Variants in SLC4A10 observed in about 807,000 individuals in gnomAD.
SLC4A10 encodes the protein solute carrier family 4 member 10, also known as sodium-driven chloride bicarbonate exchanger.
In SLC4A10, 42 loss-of-function variants were observed where a neutral mutation model predicts 137.7. The ratio of observed to expected loss-of-function variants is 0.30; its 90% CI spans 0.24 to 0.39. The LOEUF (loss-of-function observed/expected upper bound fraction) is 0.39, where lower values mean the gene tolerates loss of function less well. SLC4A10 is among the 10% of genes least tolerant of loss of function. SLC4A10 has a pLI of 1.00. For missense variants in SLC4A10, 925 were observed against 1,355.0 expected (o/e 0.68, Z 4.98); for synonymous variants, 474 against 464.1 (o/e 1.02, Z -0.27).
In SLC4A10 at chr2:161,920,135, G is replaced by A. The variant is rs182479894; in HGVS notation, c.1997+14248G>A. ...CCCCTCACCTCTGTGCCTTTGGCAG[G>A]CCTGGGATCCAGGCTGGTAGCACGA... On this transcript the variant is annotated intron_variant, in intron 15 of 26. Transcript: ENST00000446997. 3.0e-3 allele frequency among the ~76,000 whole-genome samples: 464 copies of A among 152,338 alleles called. 4 individuals carry two copies. The Middle Eastern group carries it at 0.037, about 12-fold the overall frequency.
At chr2:161,933,517 C>T (rs1476092829) in intron 15 of SLC4A10, among the ~76,000 whole-genome samples, 4 of 151,884 alleles carry the variant, frequency 2.6e-5, no homozygotes, top group African/African-American at 9.7e-5. Flanking sequence ...CTCAGCCTCC[C>T]GAGTAACTAG....
intron 26 of SLC4A10, 130 bp from the exon 27 acceptor site, chr2:161,983,049 G>C: frequency 1.4e-6 from 1 of 708,532 alleles, no homozygotes; most frequent in Non-Finnish European, 2.3e-6. Flanking sequence ...GTGCTTCGCA[G>C]CATGAGAGAG....
intron 1 of SLC4A10, among the ~76,000 whole-genome samples, chr2:161,684,384 C>T (rs1017414482): frequency 6.6e-6 from 1 of 151,990 alleles, no homozygotes; most frequent in Admixed American, 6.6e-5. Flanking sequence ...TTCATATTCC[C>T]TTTTCTAGTT....
At chr2:161,803,950 A>G (rs541996547) in intron 2 of SLC4A10, among the ~76,000 whole-genome samples, 1 of 152,184 alleles carries the variant, frequency 6.6e-6, no homozygotes, top group Non-Finnish European at 1.5e-5. Context: ...ATTAAGTATA[A>G]TAGGTGGCCA....
In SLC4A10 at chr2:161,965,033, G is replaced by T; in HGVS notation, c.3037-18G>T. On this transcript the variant is annotated intron_variant, in intron 22 of 26. Transcript: ENST00000446997. ...TTAATTTTTTTTCCACTTTAAACTA[G>T]TTTATTATTTACTTCAGGTGTTAGC... 6.2e-7 allele frequency: 1 copy of T among 1,602,464 alleles called. No individual in the cohort carries two copies. The highest frequency in any genetic ancestry group is 8.5e-7 in the Non-Finnish European group (1 of 1,174,310).
In SLC4A10 at chr2:161,984,885, G is replaced by A. The variant is rs1319832377; in HGVS notation, c.*1733G>A. ...AGTGATTCCCCAAAGCAGCCTCTTA[G>A]TGTTTTAATATATTAATAACTGTTT... On this transcript the variant is annotated 3_prime_UTR_variant, in exon 27 of 27. Coordinates refer to ENST00000446997, the MANE Select transcript of SLC4A10 (RefSeq NM_001178015.2). 6.6e-6 allele frequency: 1 copy of A among 151,850 alleles called. No individual in the cohort carries two copies. The highest frequency in any genetic ancestry group is 1.5e-5 in the Non-Finnish European group (1 of 67,886). The allele number at this position is 151,850 out of a possible 1,614,324, so 9.4% of individuals were successfully genotyped here.
intron 15 of SLC4A10, chr2:161,931,339 G>C (rs1288149413): frequency 1.3e-5 from 2 of 152,304 alleles, no homozygotes; most frequent in Admixed American, 6.5e-5. Context: ...GTGATGTTCG[G>C]AACAAAATAC....
intron 1 of SLC4A10, among the ~76,000 whole-genome samples, chr2:161,691,753 G>C (rs1052103798): frequency 6.6e-6 from 1 of 152,068 alleles, no homozygotes; most frequent in African/African-American, 2.4e-5. Context: ...TAATCTTGTA[G>C]AGGAAACAAG....
rs547721912 is a variant in SLC4A10, at chr2:161,907,406, G to C, written c.1997+1519G>C. 3.3e-5 allele frequency among the ~76,000 whole-genome samples: 5 copies of C among 152,272 alleles called. No homozygotes were observed. In the East Asian group the frequency reaches 9.7e-4, roughly 29 times the overall value. On this transcript the variant is annotated intron_variant, in intron 15 of 26. Coordinates refer to ENST00000446997, the MANE Select transcript of SLC4A10 (RefSeq NM_001178015.2). ...AATCTCACTGAATTTGGATATCCTT[G>C]CTGGGATATGTAATTATCTCTGGTT...
intron 1 of SLC4A10, among the ~76,000 whole-genome samples, chr2:161,652,575 T>A (rs1021438665): frequency 1.3e-5 from 2 of 152,220 alleles, no homozygotes; most frequent in African/African-American, 2.4e-5. Context: ...GTTCTCTTTT[T>A]AAAATATTTT....
At chr2:161,743,936 C>G (rs2048164454) in intron 1 of SLC4A10, among the ~76,000 whole-genome samples, 1 of 152,006 alleles carries the variant, frequency 6.6e-6, no homozygotes, top group Admixed American at 6.6e-5. Flanking sequence ...TTCAGTTTGT[C>G]TGTTGTTGGC....
At chr2:161,678,592 C>T (rs1313486784) in intron 1 of SLC4A10, among the ~76,000 whole-genome samples, 1 of 152,062 alleles carries the variant, frequency 6.6e-6, no homozygotes, top group Non-Finnish European at 1.5e-5. Flanking sequence ...TTTTCCAATA[C>T]CAGAGAAGAC....
At chr2:161,905,521 C>A in intron 14 of SLC4A10, 121 bp from the exon 15 acceptor site, 1 of 1,355,906 alleles carries the variant, frequency 7.4e-7, no homozygotes, top group Non-Finnish European at 1.0e-6. Flanking sequence ...TTTAGATACT[C>A]ATGGGATGTG....
rs1218102561 is a variant in SLC4A10 at position 161,983,286 on chromosome 2, T to A, written c.*134T>A. On this transcript the variant is annotated 3_prime_UTR_variant, in exon 27 of 27. Coordinates refer to ENST00000446997, the MANE Select transcript of SLC4A10 (RefSeq NM_001178015.2). Reference sequence around the variant, plus strand: ...ATTTTTTACATATATATGAGAAGAGTGTCACAATTATTAATAAAACTGCTT... The same window carrying A: ...ATTTTTTACATATATATGAGAAGAGAGTCACAATTATTAATAAAACTGCTT... The A allele has an allele frequency of 2.7e-6, 4 of 1,502,088 alleles. No individual in the cohort carries two copies. In the South Asian group the frequency reaches 3.7e-5, roughly 14 times the overall value. The allele number at this position is 1,502,088 out of a possible 1,614,324, so 93.0% of individuals were successfully genotyped here.
At chr2:161,772,444 T>C (rs1404822439) in intron 2 of SLC4A10, among the ~76,000 whole-genome samples, 1 of 151,834 alleles carries the variant, frequency 6.6e-6, no homozygotes, top group Non-Finnish European at 1.5e-5. Flanking sequence ...GTCCTTTTTA[T>C]TGGAAAATAC....
At chr2:161,629,439 A>G (rs1304575246) in intron 1 of SLC4A10, among the ~76,000 whole-genome samples, 1 of 151,644 alleles carries the variant, frequency 6.6e-6, no homozygotes, top group Non-Finnish European at 1.5e-5. Context: ...GGTTCGCAGC[A>G]ATATTAAGCA....
intron 1 of SLC4A10, among the ~76,000 whole-genome samples, chr2:161,685,744 C>T (rs193141957): frequency 6.6e-6 from 1 of 152,226 alleles, no homozygotes; most frequent in East Asian, 1.9e-4. Context: ...TTTGACTTAA[C>T]TGTGCTTTAA....
chr2:161,724,110 A>G (rs1285306372), intron 1 of SLC4A10, among the ~76,000 whole-genome samples: 2 of 152,184 alleles, frequency 1.3e-5, no homozygotes, highest in Non-Finnish European at 1.5e-5. Context: ...AAGGAGTTCA[A>G]AATCTGCCCG....
chr2:161,976,690 T>C, intron 24 of SLC4A10, 70 bp from the exon 25 acceptor site: 1 of 705,056 alleles, frequency 1.4e-6, no homozygotes, highest in Non-Finnish European at 2.3e-6. Context: ...CTATATTTAG[T>C]TTCTGTCATT....
Sources: gnomAD v4.1 joint callset for allele counts (sites outside exome capture counted in the v4.1 genomes callset) on GRCh38, gnomAD v4.1.1 for gene constraint, MANE v1.5 for transcripts, NCBI Gene and HGNC (gene_info 2026-07-23, HGNC 2026-07-21) for gene names.